The following IFT122 variants were observed in gnomAD, a reference collection of about 807,000 sequenced individuals.
IFT122 encodes the protein intraflagellar transport protein 122 homolog.
In IFT122, 118 loss-of-function variants were observed where a neutral mutation model predicts 161.6. The ratio of observed to expected loss-of-function variants is 0.73; its 90% CI spans 0.63 to 0.85. The LOEUF is 0.85. Among genes scored for constraint, IFT122 ranks in the 40% least tolerant of loss-of-function variants. The probability of loss-of-function intolerance (pLI) is 0.00; values close to 1 mark genes in which losing one functional copy is unlikely to be tolerated. For synonymous variants in IFT122, 550 were observed against 602.4 expected, an observed-to-expected ratio of 0.91 and a Z score of 1.27; for missense variants, 1,381 against 1,579.6, an observed-to-expected ratio of 0.87 and a Z score of 2.13.
intron 7 of IFT122, among the ~76,000 whole-genome samples, chr3:129,465,189 T>G (rs1327821602): frequency 2.0e-5 from 3 of 151,716 alleles, no homozygotes; most frequent in Non-Finnish European, 4.4e-5. Flanking sequence ...CAGGACCATT[T>G]CCTTATGAAT....
At position 129,478,076 on chromosome 3, in the gene IFT122, T is replaced by TCC; in HGVS notation, c.1209_1210dup (p.Gln404ProfsTer24). Reference sequence around the variant, plus strand: ...GCCATCTACAGAAATCGATTGGCTATCCAACTGCCAGAGAAAATCCTCATC... The same window carrying TCC: ...GCCATCTACAGAAATCGATTGGCTATCCCCAACTGCCAGAGAAAATCCTCATC... On this transcript the variant is annotated frameshift_variant, in exon 12 of 30. Transcript: ENST00000348417. LOFTEE classifies it high-confidence loss of function. The TCC allele has an allele frequency of 6.2e-7, 1 of 1,614,238 alleles. No homozygotes were observed. The highest frequency in any genetic ancestry group is 8.5e-7 in the Non-Finnish European group (1 of 1,180,022).
intron 7 of IFT122, among the ~76,000 whole-genome samples, chr3:129,465,351 C>T (rs964194033): frequency 1.3e-5 from 2 of 151,812 alleles, no homozygotes; most frequent in Admixed American, 6.6e-5. Flanking sequence ...ATTAAGTCTA[C>T]AGACGTCCCT....
chr3:129,444,426 G>C (rs757111399), intron 1 of IFT122, among the ~76,000 whole-genome samples: 9 of 152,178 alleles, frequency 5.9e-5, no homozygotes, highest in Non-Finnish European at 1.0e-4. Flanking sequence ...TTGCCTCTCT[G>C]TACTTTAGTT....
At chr3:129,456,726 C>G (rs1234666802) in intron 3 of IFT122, among the ~76,000 whole-genome samples, 2 of 151,896 alleles carry the variant, frequency 1.3e-5, no homozygotes, top group East Asian at 1.9e-4. Flanking sequence ...ACCAGCCTGC[C>G]CAACATGGAG....
intron 1 of IFT122, among the ~76,000 whole-genome samples, chr3:129,441,223 T>C (rs2073042096): frequency 6.6e-6 from 1 of 152,256 alleles, no homozygotes; most frequent in Admixed American, 6.5e-5. Context: ...GCCTCTGTTC[T>C]GGCCACTGGA....
At chr3:129,474,067 C>G (rs3774767) in intron 9 of IFT122, among the ~76,000 whole-genome samples, 35,963 of 152,040 alleles carry the variant, frequency 0.24, 6,546 homozygotes, top group East Asian at 0.49. Flanking sequence ...GGAAAGTTTT[C>G]GTTGCTAGGC....
At chr3:129,474,266 TATAAATA>T (rs1349851266) in intron 9 of IFT122, among the ~76,000 whole-genome samples, 3 of 152,218 alleles carry the variant, frequency 2.0e-5, no homozygotes, top group Non-Finnish European at 2.9e-5. Context: ...TAACTAGATT[TATAAATA>T]GGAAAATATT....
In IFT122 at chr3:129,499,855, A is replaced by T. The variant is rs749012483; in HGVS notation, c.2209-47A>T. ...TAGAAAAGCCTGATGTAACGCTGGC[A>T]CAGGAAGTTCTGATCCAGAGTGTTT... On this transcript the variant is annotated intron_variant, in intron 18 of 29. Coordinates refer to ENST00000348417, the MANE Select transcript of IFT122 (RefSeq NM_052989.3). The T allele has an allele frequency of 1.1e-5, 18 of 1,608,638 alleles. No homozygotes were observed. The South Asian group carries it at 1.8e-4, about 16-fold the overall frequency.
intron 1 of IFT122, among the ~76,000 whole-genome samples, chr3:129,449,623 T>C (rs1193574985): frequency 6.6e-6 from 1 of 152,358 alleles, no homozygotes; most frequent in African/African-American, 2.4e-5. Flanking sequence ...TTGAATAATT[T>C]CTTGTGTCTG....
intron 3 of IFT122, among the ~76,000 whole-genome samples, chr3:129,454,189 A>G (rs1317038135): frequency 6.6e-6 from 1 of 152,178 alleles, no homozygotes; most frequent in African/African-American, 2.4e-5. Context: ...TAGTCTGATT[A>G]GTCCAGTCTC....
chr3:129,446,240 T>C (rs201806922), intron 1 of IFT122, among the ~76,000 whole-genome samples: 3 of 151,910 alleles, frequency 2.0e-5, no homozygotes, highest in African/African-American at 7.3e-5. Flanking sequence ...TTTTTTTTTT[T>C]CTGAGACAGA....
chr3:129,489,692 A>G (rs2079797898), intron 16 of IFT122, among the ~76,000 whole-genome samples: 3 of 152,094 alleles, frequency 2.0e-5, no homozygotes, highest in African/African-American at 7.2e-5. Context: ...ACAAAAAATT[A>G]GCCGGGCATG....
rs2084500173 is a variant in IFT122 at position 129,519,652 on chromosome 3, T to C, written c.3556T>C (p.Trp1186Arg). 3 of 1,613,652 alleles carry C rather than the reference T, an allele frequency of 1.9e-6. No individual in the cohort carries two copies. The highest frequency in any genetic ancestry group is 2.7e-5 in the African/African-American group (2 of 74,922). ...MSRRDVLIKR[W>R]PPPLRWQYFR... ...CCGCCGGGATGTCCTCATCAAGCGATGGCCCCCACCCCTGAGGTGGCAATA... is the reference window on the plus strand; with the variant it reads ...CCGCCGGGATGTCCTCATCAAGCGACGGCCCCCACCCCTGAGGTGGCAATA... Residue 1186 changes from tryptophan (W) to arginine (R), a missense_variant, in exon 29 of 30, where the codon TGG becomes CGG. By Grantham distance (101) the Trp-to-Arg change is moderately radical (BLOSUM62 -3). Around this residue, in one of 7 missense-constraint regions of IFT122, gnomAD observed 177 missense variants for 199.2 expected, o/e 0.89. Transcript: ENST00000348417.
intron 13 of IFT122, 153 bp from the exon 14 acceptor site, chr3:129,481,377 C>G (rs1280008191): frequency 4.1e-6 from 3 of 727,818 alleles, no homozygotes; most frequent in East Asian, 2.9e-5. Flanking sequence ...CCACCCCCCT[C>G]TTTCTTTTGA....
At chr3:129,448,803 T>C (rs1328421205) in intron 1 of IFT122, among the ~76,000 whole-genome samples, 1 of 152,104 alleles carries the variant, frequency 6.6e-6, no homozygotes, top group Non-Finnish European at 1.5e-5. Context: ...GTGATTCTCC[T>C]GCCTCAGCCT....
chr3:129,490,782 A>G (rs1478190408), intron 16 of IFT122, among the ~76,000 whole-genome samples: 1 of 152,210 alleles, frequency 6.6e-6, no homozygotes, highest in Non-Finnish European at 1.5e-5. Context: ...GGTGATGTGT[A>G]AGACCTACAG....
At chr3:129,495,713 C>G in intron 18 of IFT122, 106 bp downstream of exon 18, 2 of 1,278,028 alleles carry the variant, frequency 1.6e-6, no homozygotes, top group Non-Finnish European at 2.3e-6. Context: ...CAAAAACTAG[C>G]AATGGTCTCA....
chr3:129,483,071 A>G (rs1339707059), intron 14 of IFT122, among the ~76,000 whole-genome samples: 2 of 152,084 alleles, frequency 1.3e-5, no homozygotes, highest in Admixed American at 6.6e-5. Flanking sequence ...CAGCTGTAAC[A>G]TTGCCTGCTG....
At chr3:129,497,566 C>A (rs774115789) in intron 18 of IFT122, among the ~76,000 whole-genome samples, 3 of 152,232 alleles carry the variant, frequency 2.0e-5, no homozygotes, top group Non-Finnish European at 2.9e-5. Flanking sequence ...TGCTCTGAGG[C>A]CCCTCCTTAC....
Sources: gnomAD v4.1 joint callset for allele counts (sites outside exome capture counted in the v4.1 genomes callset) on GRCh38, gnomAD v4.1.1 for gene constraint, gnomAD v4.1.1 regional missense constraint, MANE v1.5 for transcripts, NCBI Gene and HGNC (gene_info 2026-07-23, HGNC 2026-07-21) for gene names.